Variants in NTM observed in about 807,000 individuals in gnomAD.
NTM encodes IgLON family member 2.
In NTM, 13 loss-of-function variants were observed where a neutral mutation model predicts 42.1. That is an observed-to-expected ratio of 0.31 (90% CI 0.20 to 0.49). The LOEUF is 0.49. NTM is among the 20% of genes least tolerant of loss of function. The pLI is 0.99. For synonymous variants in NTM, 187 were observed against 179.2 expected, an observed-to-expected ratio of 1.04 and a Z score of -0.35; for missense variants, 373 against 452.8, an observed-to-expected ratio of 0.82 and a Z score of 1.60.
chr11:132,141,955 C>T (rs755476328), intron 2 of NTM, among the ~76,000 whole-genome samples: 5 of 152,106 alleles, frequency 3.3e-5, no homozygotes, highest in South Asian at 2.1e-4. Context: ...GGCTGCAGTG[C>T]GGGGCAACTG....
chr11:132,074,234 T>A (rs186250618), intron 2 of NTM, among the ~76,000 whole-genome samples: 2 of 152,188 alleles, frequency 1.3e-5, no homozygotes, highest in African/African-American at 4.8e-5. Context: ...TTACAGGCCA[T>A]TGGACACTGG....
At chr11:131,606,890 T>C (rs1056351007) in intron 1 of NTM, among the ~76,000 whole-genome samples, 8 of 152,224 alleles carry the variant, frequency 5.3e-5, no homozygotes, top group African/African-American at 1.9e-4. Flanking sequence ...GCTGGCTAAA[T>C]AGACCTCTAA....
At chr11:132,281,105 C>T (rs985084335) in intron 4 of NTM, among the ~76,000 whole-genome samples, 4 of 152,122 alleles carry the variant, frequency 2.6e-5, no homozygotes, top group African/African-American at 9.7e-5. Context: ...TTGAAAGTGC[C>T]ACATCAACAT....
At position 132,150,125 on chromosome 11, in the gene NTM, G is replaced by A. The variant is rs534941863; in HGVS notation, c.400+3611G>A. ...AGAATGCTTCTATTCGTGGCATGGCGTGAAGGGGACCCAGTATATGCAGAA... is the reference window on the plus strand; with the variant it reads ...AGAATGCTTCTATTCGTGGCATGGCATGAAGGGGACCCAGTATATGCAGAA... On this transcript the variant is annotated intron_variant, in intron 3 of 8. Coordinates refer to ENST00000683400, the MANE Select transcript of NTM (RefSeq NM_001352005.2). Among the ~76,000 whole-genome samples, 179 of 152,256 alleles carry A rather than the reference G, an allele frequency of 1.2e-3. 2 individuals carry two copies. Among genetic ancestry groups the A allele is most frequent in the African/African-American group, 3.9e-3 (164 of 41,546 alleles).
intron 1 of NTM, among the ~76,000 whole-genome samples, chr11:131,454,844 T>C (rs1288698114): frequency 6.6e-6 from 1 of 152,002 alleles, no homozygotes; most frequent in Non-Finnish European, 1.5e-5. Flanking sequence ...CCTGAATATA[T>C]AAAGCCTGTA....
chr11:132,069,415 T>C (rs9665955), intron 2 of NTM, among the ~76,000 whole-genome samples: 98,860 of 116,218 alleles, frequency 0.85, 40,836 homozygotes, highest in East Asian at 0.97. Context: ...TCAAACTGAC[T>C]GTCACCGGTT....
intron 1 of NTM, among the ~76,000 whole-genome samples, chr11:131,413,649 G>A (rs1234665194): frequency 6.6e-6 from 1 of 152,172 alleles, no homozygotes; most frequent in Non-Finnish European, 1.5e-5. Flanking sequence ...AATTAAGGCA[G>A]GCACACAGAC....
chr11:131,669,962 G>A (rs1223036096), intron 1 of NTM, among the ~76,000 whole-genome samples: 3 of 152,108 alleles, frequency 2.0e-5, no homozygotes, highest in South Asian at 2.1e-4. Context: ...GGCACTCTCC[G>A]GAGCCTCCTT....
intron 1 of NTM, among the ~76,000 whole-genome samples, chr11:131,767,890 G>A (rs1226579135): frequency 6.6e-6 from 1 of 152,052 alleles, no homozygotes; most frequent in South Asian, 2.1e-4. Context: ...TCCACCTCCC[G>A]ATGGGTCATT....
At chr11:131,566,099 C>G (rs192166242) in intron 1 of NTM, among the ~76,000 whole-genome samples, 1 of 152,140 alleles carries the variant, frequency 6.6e-6, no homozygotes, top group South Asian at 2.1e-4. Flanking sequence ...GTGCTCTTAA[C>G]GTCTCTCCCT....
At chr11:132,310,359 G>C in intron 6 of NTM, 127 bp downstream of exon 6, 1 of 862,054 alleles carries the variant, frequency 1.2e-6, no homozygotes, top group Non-Finnish European at 1.7e-6. Context: ...CTCTATAGGG[G>C]GCAAATGTGC....
intron 1 of NTM, chr11:131,911,108 A>G: frequency 1.7e-6 from 2 of 1,191,174 alleles, no homozygotes; most frequent in South Asian, 4.1e-5. Context: ...CAAAGTGCTT[A>G]CTCCTCTCCA....
chr11:131,892,324 G>C (rs1202209073), intron 1 of NTM, among the ~76,000 whole-genome samples: 1 of 152,174 alleles, frequency 6.6e-6, no homozygotes, highest in Non-Finnish European at 1.5e-5. Flanking sequence ...TATCAATTAT[G>C]GTTATTGTAA....
intron 1 of NTM, among the ~76,000 whole-genome samples, chr11:131,629,113 A>G (rs562303971): frequency 3.9e-5 from 6 of 152,378 alleles, no homozygotes; most frequent in African/African-American, 1.4e-4. Context: ...GCCCTTGTGC[A>G]GCTTGTGGCT....
At chr11:132,037,624 G>C (rs1357313385) in intron 2 of NTM, among the ~76,000 whole-genome samples, 2 of 152,166 alleles carry the variant, frequency 1.3e-5, no homozygotes, top group Non-Finnish European at 2.9e-5. Context: ...GTTGTTATCA[G>C]AGAAGCTTCT....
intron 3 of NTM, among the ~76,000 whole-genome samples, chr11:132,148,460 C>T (rs1374664241): frequency 2.0e-5 from 3 of 152,018 alleles, no homozygotes; most frequent in Admixed American, 2.0e-4. Flanking sequence ...TGCCCCAACC[C>T]CTGCACACTT....
chr11:131,517,020 G>A (rs1413581750), intron 1 of NTM, among the ~76,000 whole-genome samples: 2 of 152,194 alleles, frequency 1.3e-5, no homozygotes, highest in Admixed American at 6.5e-5. Flanking sequence ...TCACCAATGG[G>A]AGTGGCTCTA....
intron 2 of NTM, among the ~76,000 whole-genome samples, chr11:131,936,671 A>G (rs536934705): frequency 7.2e-5 from 11 of 152,344 alleles, no homozygotes; most frequent in African/African-American, 2.4e-4. Flanking sequence ...AACTACGCAC[A>G]TGCATACACA....
chr11:131,934,171 C>T (rs960803712), intron 2 of NTM, among the ~76,000 whole-genome samples: 3 of 152,140 alleles, frequency 2.0e-5, no homozygotes, highest in African/African-American at 7.2e-5. Context: ...AAATGAACTC[C>T]ATACATAAAT....
Sources: gnomAD v4.1 joint callset for allele counts (sites outside exome capture counted in the v4.1 genomes callset) on GRCh38, gnomAD v4.1.1 for gene constraint, MANE v1.5 for transcripts, NCBI Gene and HGNC (gene_info 2026-07-23, HGNC 2026-07-21) for gene names.